VAC14: variants seen among roughly 807,000 people sequenced by gnomAD.
The protein encoded by VAC14 is protein VAC14 homolog.
VAC14 carries 47 observed loss-of-function variants against 85.3 expected under a neutral mutation model. The observed-to-expected ratio is 0.55, with a 90% CI of 0.44 to 0.70. VAC14 has a LOEUF of 0.70. VAC14 is among the 30% of genes least tolerant of loss of function. VAC14 has a pLI of 0.00. For missense variants in VAC14, 861 were observed against 1,004.3 expected (o/e 0.86, Z 1.93); for synonymous variants, 447 against 430.5 (o/e 1.04, Z -0.47).
At chr16:70,741,451 C>T (rs2030297625) in intron 13 of VAC14, among the ~76,000 whole-genome samples, 1 of 152,224 alleles carries the variant, frequency 6.6e-6, no homozygotes, top group Non-Finnish European at 1.5e-5. Context: ...CTGGTTTAAG[C>T]TGACCTTTTA....
At chr16:70,773,686 G>C (rs115784830) in intron 9 of VAC14, among the ~76,000 whole-genome samples, 2,686 of 152,244 alleles carry the variant, frequency 0.018, 80 homozygotes, top group African/African-American at 0.061. Context: ...GTTGCAAAAA[G>C]AGTAAAGAAT....
intron 14 of VAC14, among the ~76,000 whole-genome samples, chr16:70,727,963 T>G (rs574223989): frequency 2.2e-4 from 34 of 152,192 alleles, no homozygotes; most frequent in African/African-American, 8.2e-4. Flanking sequence ...CAGGTGTGGG[T>G]GCTGCTTTTG....
At chr16:70,772,247 C>T in intron 9 of VAC14, 75 bp from the exon 10 acceptor site, 2 of 1,304,504 alleles carry the variant, frequency 1.5e-6, no homozygotes, top group Non-Finnish European at 2.2e-6. Context: ...CTGTGACAAG[C>T]ACACACAGAA....
chr16:70,697,055 C>T, intron 16 of VAC14, 84 bp downstream of exon 16: 1 of 1,166,062 alleles, frequency 8.6e-7, no homozygotes, highest in South Asian at 1.3e-5. Context: ...GGCACTTGGG[C>T]CCGCCTGTTG....
intron 10 of VAC14, chr16:70,766,677 G>C (rs1475436943): frequency 2.9e-6 from 1 of 342,708 alleles, no homozygotes; most frequent in Non-Finnish European, 5.8e-6. Context: ...CACTCTCCCT[G>C]GGCTTTTCTT....
intron 5 of VAC14, 51 bp downstream of exon 5, chr16:70,784,062 G>A (rs1393957781): frequency 6.8e-7 from 1 of 1,478,558 alleles, no homozygotes; most frequent in Admixed American, 1.7e-5. Flanking sequence ...GTGCTAGAGA[G>A]CAGATTTTCC....
chr16:70,795,711 T>C (rs556773105), intron 1 of VAC14, among the ~76,000 whole-genome samples: 1 of 152,218 alleles, frequency 6.6e-6, no homozygotes, highest in Non-Finnish European at 1.5e-5. Context: ...CCCTGGGGCT[T>C]TGGGCTCTCA....
Position 70,744,461 on chromosome 16 carries a change from A to G in VAC14, c.1490T>C (p.Val497Ala), listed in dbSNP as rs762520287. 2 of 1,613,938 alleles carry G rather than the reference A, an allele frequency of 1.2e-6. No homozygotes were observed. The highest frequency in any genetic ancestry group is 3.3e-5 in the Admixed American group (2 of 60,010). The change falls in exon 13 of 19, where the codon GTG (valine) becomes GCG (alanine). Residue 497 changes from valine to alanine, a missense_variant. By Grantham distance (64) the Val-to-Ala change is moderately conservative. Around this residue, in one of 3 missense-constraint regions of VAC14, gnomAD observed 629 missense variants for 703.1 expected, o/e 0.89. Transcript: ENST00000261776. ...TAGGCCGGCTCTGCCAGGGGTGGGCACCTGGAGCTCTGAGTGGCTGGCCTG... is the reference window on the plus strand; with the variant it reads ...TAGGCCGGCTCTGCCAGGGGTGGGCGCCTGGAGCTCTGAGTGGCTGGCCTG... ...DLQASHSELQ[V>A]PTPGRAGLLN...
intron 14 of VAC14, among the ~76,000 whole-genome samples, chr16:70,729,788 T>C (rs1444939214): frequency 6.6e-6 from 1 of 152,066 alleles, no homozygotes; most frequent in African/African-American, 2.4e-5. Flanking sequence ...CCATCTAGAA[T>C]GGTCCCTTGC....
At chr16:70,729,061 G>A (rs1567544690) in intron 14 of VAC14, among the ~76,000 whole-genome samples, 2 of 152,154 alleles carry the variant, frequency 1.3e-5, no homozygotes, top group East Asian at 3.9e-4. Flanking sequence ...TGACACGGTG[G>A]TTCTCAACTG....
At chr16:70,783,938 A>G (rs996132224) in intron 5 of VAC14, among the ~76,000 whole-genome samples, 175 bp downstream of exon 5, 1 of 152,224 alleles carries the variant, frequency 6.6e-6, no homozygotes, top group Non-Finnish European at 1.5e-5. Flanking sequence ...TTCAGGGCCA[A>G]CATGGTGGGT....
At chr16:70,701,254 A>G (rs1320691657) in intron 14 of VAC14, among the ~76,000 whole-genome samples, 1 of 152,018 alleles carries the variant, frequency 6.6e-6, no homozygotes, top group Non-Finnish European at 1.5e-5. Flanking sequence ...TCCGGCCCTG[A>G]GCCCCTGCTG....
At chr16:70,765,630 A>C (rs958176512) in intron 10 of VAC14, among the ~76,000 whole-genome samples, 1 of 151,692 alleles carries the variant, frequency 6.6e-6, no homozygotes, top group Non-Finnish European at 1.5e-5. Flanking sequence ...GATCAGTCTG[A>C]CTCCAGAATA....
chr16:70,691,515 A>C (rs988756619), intron 18 of VAC14: 1 of 985,220 alleles, frequency 1.0e-6, no homozygotes, highest in African/African-American at 1.7e-5. Context: ...AGGAACCCAC[A>C]CATGCGCCCC....
At chr16:70,725,584 A>G (rs2054404661) in intron 14 of VAC14, among the ~76,000 whole-genome samples, 1 of 150,006 alleles carries the variant, frequency 6.7e-6, no homozygotes, top group Non-Finnish European at 1.5e-5. Flanking sequence ...AACCCAGGAC[A>G]CTGGGGAGGG....
At chr16:70,763,067 C>T in intron 10 of VAC14, 42 bp from the exon 11 acceptor site, 10 of 1,612,602 alleles carry the variant, frequency 6.2e-6, no homozygotes, top group Non-Finnish European at 8.5e-6. Context: ...TGAAGCCCAC[C>T]ATAGCCCTCT....
chr16:70,768,137 T>C (rs1163835564), intron 10 of VAC14, among the ~76,000 whole-genome samples: 1 of 152,234 alleles, frequency 6.6e-6, no homozygotes, highest in African/African-American at 2.4e-5. Flanking sequence ...CAGCCTGCCT[T>C]GGCCTCCCAA....
chr16:70,757,530 C>T (rs1429776572), intron 12 of VAC14, among the ~76,000 whole-genome samples: 1 of 152,212 alleles, frequency 6.6e-6, no homozygotes, highest in Non-Finnish European at 1.5e-5. Context: ...TCCTGTGGCC[C>T]ACTGTGTCCT....
chr16:70,789,573 A>G (rs561388669), intron 1 of VAC14, among the ~76,000 whole-genome samples: 228 of 152,382 alleles, frequency 1.5e-3, no homozygotes, highest in Non-Finnish European at 2.7e-3. Flanking sequence ...TTCCCGGCCA[A>G]TGCAGCAGCA....
Sources: allele counts gnomAD v4.1 joint callset (sites outside exome capture counted in the v4.1 genomes callset), GRCh38; gene constraint gnomAD v4.1.1; regional missense constraint gnomAD v4.1.1; transcripts MANE v1.5; gene names NCBI Gene and HGNC (gene_info 2026-07-23, HGNC 2026-07-21).